The following SRRT variants were observed in gnomAD, a reference collection of about 807,000 sequenced individuals.
SRRT encodes serrate RNA effector molecule homolog.
SRRT carries 32 observed loss-of-function variants against 103.2 expected under a neutral mutation model. That is an observed-to-expected ratio of 0.31 (90% CI 0.23 to 0.42). The LOEUF (loss-of-function observed/expected upper bound fraction) is 0.42, where lower values mean the gene tolerates loss of function less well. SRRT is among the 10% of genes least tolerant of loss of function. The pLI is 1.00. For synonymous variants in SRRT, 525 were observed against 449.0 expected, an observed-to-expected ratio of 1.17 and a Z score of -2.14; for missense variants, 986 against 1,207.5, an observed-to-expected ratio of 0.82 and a Z score of 2.72.
rs978787414 is a variant in SRRT at position 100,887,931 on chromosome 7, C to T, written c.2326+72C>T. 7.1e-6 allele frequency: 11 copies of T among 1,550,314 alleles called. No homozygotes were observed. The highest frequency in any genetic ancestry group is 2.2e-4 in the Middle Eastern group (1 of 4,448). ...CCCAGGGACTCCTGTTTCTCTTTAA[C>T]GTGTCACCCCGAGAAGTTTCTGCCC... On this transcript the variant is annotated intron_variant, in intron 17 of 19. Transcript: ENST00000611405. This position sits in a 1 kb window ranked among gnomAD's most constrained non-coding sequence, Gnocchi z 4.1.
chr7:100,884,592 TGGGGGAG>T, intron 7 of SRRT, 40 bp downstream of exon 7: 3 of 469,624 alleles, frequency 6.4e-6, no homozygotes, highest in Non-Finnish European at 6.7e-6. Context: ...CCTGGCAGCC[TGGGGGAG>T]GGGGGCGGGT....
Position 100,885,686 on chromosome 7 carries a change from T to C in SRRT, c.1318-15T>C. Reference sequence around the variant, plus strand: ...TCCTTGAGTCACTGTGGGGCTGCTTTTCTGCTTCTTGCAGCTTTGTAAAAG... The same window carrying C: ...TCCTTGAGTCACTGTGGGGCTGCTTCTCTGCTTCTTGCAGCTTTGTAAAAG... On this transcript the variant is annotated splice_polypyrimidine_tract_variant and intron_variant, in intron 10 of 19. Coordinates refer to ENST00000611405, the MANE Select transcript of SRRT (RefSeq NM_015908.6). The surrounding 1 kb of genome is among the most constrained non-coding windows in gnomAD (Gnocchi z 4.8). 6.2e-7 allele frequency: 1 copy of C among 1,602,762 alleles called. No homozygotes were observed. The highest frequency in any genetic ancestry group is 1.1e-5 in the South Asian group (1 of 89,860).
At chr7:100,880,574 G>A (rs1816205456) in intron 2 of SRRT, 1 of 249,116 alleles carries the variant, frequency 4.0e-6, no homozygotes, top group Admixed American at 5.0e-5. Flanking sequence ...CAGAGTGCTG[G>A]GATTACAGGC....
rs768986033 is a variant in SRRT, at chr7:100,881,678, C to A, written c.271C>A (p.Pro91Thr). ...RRDWDEHSSD[P>T]YHSGYEMPYA... ...CTTCAGGGATGAGCACAGCTCTGAC[C>A]CATACCACAGTGGCTATGAGATGCC... Residue 91 changes from proline to threonine, a missense_variant, in exon 4 of 20, where the codon CCA becomes ACA. Coordinates refer to ENST00000611405, the MANE Select transcript of SRRT (RefSeq NM_015908.6). 3 of 1,614,060 alleles carry A rather than the reference C, an allele frequency of 1.9e-6. No individual in the cohort carries two copies. Among genetic ancestry groups the A allele is most frequent in the East Asian group, 2.2e-5 (1 of 44,870 alleles).
At position 100,886,285 on chromosome 7, in the gene SRRT, C is replaced by A. The variant is rs1222461269; in HGVS notation, c.1497C>A (p.Asp499Glu). The A allele has an allele frequency of 3.1e-6, 5 of 1,612,956 alleles. No homozygotes were observed. Among genetic ancestry groups the A allele is most frequent in the Non-Finnish European group, 4.2e-6 (5 of 1,179,986 alleles). ...AGCTGAGCCCTGGTGTGAACAGGGACCTGACCCGGCGCGTTCGCAACATCA... is the reference window on the plus strand; with the variant it reads ...AGCTGAGCCCTGGTGTGAACAGGGAACTGACCCGGCGCGTTCGCAACATCA... ...ECELSPGVNRDLTRRVRNING... is the reference protein window; with the variant it reads ...ECELSPGVNRELTRRVRNING... The change falls in exon 13 of 20, where the codon GAC becomes GAA. Residue 499 changes from aspartate to glutamate, a missense_variant. Asp to Glu is a conservative substitution (Grantham distance 45, BLOSUM62 2). This residue lies in a region of SRRT where 349 missense variants were observed against 446.9 expected (regional missense o/e 0.78). Transcript: ENST00000611405.
In SRRT at chr7:100,887,797, C is replaced by T; in HGVS notation, c.2264C>T (p.Thr755Ile). The T allele has an allele frequency of 1.2e-6, 2 of 1,613,422 alleles. No individual in the cohort carries two copies. The highest frequency in any genetic ancestry group is 2.2e-5 in the East Asian group (1 of 44,850). ...KEVAFFNNFL[T>I]DAKRPALPEI... The stretch of plus-strand genomic sequence containing the variant: ...GTCGCGTTTTTTAACAACTTCCTCA[C>T]TGATGCTAAGCGCCCAGCTCTGCCT... Residue 755 changes from threonine to isoleucine, a missense_variant, in exon 17 of 20, where the codon ACT becomes ATT. Around this residue, in one of 6 missense-constraint regions of SRRT, gnomAD observed 178 missense variants for 189.6 expected, o/e 0.94. Coordinates refer to ENST00000611405, the MANE Select transcript of SRRT (RefSeq NM_015908.6). The surrounding 1 kb of genome is among the most constrained non-coding windows in gnomAD (Gnocchi z 4.1).
In SRRT at chr7:100,885,404, G is replaced by C. The variant is rs769213395; in HGVS notation, c.1317+34G>C. 8 of 1,596,356 alleles carry C rather than the reference G, an allele frequency of 5.0e-6. No homozygotes were observed. The highest frequency in any genetic ancestry group is 3.5e-4 in the Middle Eastern group (2 of 5,762). ...GGACCCGTGGAGTCAGGGCAGGGCT[G>C]ATGGAGAAGTGGAGGGTAGAGGGAA... On this transcript the variant is annotated intron_variant, in intron 10 of 19. Coordinates refer to ENST00000611405, the MANE Select transcript of SRRT (RefSeq NM_015908.6). The surrounding 1 kb of genome is among the most constrained non-coding windows in gnomAD (Gnocchi z 4.8).
Position 100,887,103 on chromosome 7 carries a change from C to CA in SRRT, c.1879dup (p.Thr627AsnfsTer3). On this transcript the variant is annotated frameshift_variant, in exon 15 of 20. Coordinates refer to ENST00000611405, the MANE Select transcript of SRRT (RefSeq NM_015908.6). LOFTEE classifies it high-confidence loss of function. This position sits in a 1 kb window ranked among gnomAD's most constrained non-coding sequence, Gnocchi z 4.1. ...TCGTGCATTCCTTGGATTATTACAA[C>CA]ACCTGTGAGTACCCCAACGAGGACG... 1.2e-6 allele frequency: 2 copies of CA among 1,614,216 alleles called. No individual in the cohort carries two copies. Among genetic ancestry groups the CA allele is most frequent in the Non-Finnish European group, 1.7e-6 (2 of 1,180,036 alleles).
In SRRT at chr7:100,875,347, C is replaced by T; in HGVS notation, c.-19+19C>T. On this transcript the variant is annotated intron_variant, in intron 1 of 19. Transcript: ENST00000611405. ...CACCAAGGTGGGGGAGGGGAGGAGC[C>T]TGGGGGGCCCCGCTGGGGCGGGAGA... 3.1e-6 allele frequency: 4 copies of T among 1,276,246 alleles called. No individual in the cohort carries two copies. Among genetic ancestry groups the T allele is most frequent in the South Asian group, 3.3e-5 (2 of 59,804 alleles). 79.1% of individuals were successfully genotyped at this position (1,276,246 alleles called of 1,614,324 possible).
At chr7:100,877,290 G>A (rs1815826391) in intron 2 of SRRT, among the ~76,000 whole-genome samples, 1 of 150,912 alleles carries the variant, frequency 6.6e-6, no homozygotes, top group East Asian at 2.0e-4. Context: ...GCATGGTGGT[G>A]CGCGCCTGTA....
intron 7 of SRRT, 79 bp from the exon 8 acceptor site, chr7:100,884,661 C>T: frequency 6.7e-7 from 1 of 1,493,594 alleles, no homozygotes; most frequent in Non-Finnish European, 9.1e-7. Flanking sequence ...AACCTGTGGC[C>T]TCAGCTGTGG....
Position 100,881,711 on chromosome 7 carries a change from G to C in SRRT, c.304G>C (p.Gly102Arg). The change falls in exon 4 of 20, where the codon GGG (glycine) becomes CGG (arginine). Residue 102 changes from glycine to arginine, a missense_variant. Around this residue, in one of 6 missense-constraint regions of SRRT, gnomAD observed 274 missense variants for 358.5 expected, o/e 0.76. Transcript: ENST00000611405. Reference protein sequence around the residue: ...YHSGYEMPYAGGGGGPTYGPP... With the variant: ...YHSGYEMPYARGGGGPTYGPP... Reference sequence around the variant, plus strand: ...CAGTGGCTATGAGATGCCCTATGCTGGGGGGGGTGGGGGCCCAACTTATGG... The same window carrying C: ...CAGTGGCTATGAGATGCCCTATGCTCGGGGGGGTGGGGGCCCAACTTATGG... 6.3e-7 allele frequency: 1 copy of C among 1,593,788 alleles called. No individual in the cohort carries two copies. The highest frequency in any genetic ancestry group is 1.1e-5 in the South Asian group (1 of 89,966).
intron 4 of SRRT, 72 bp downstream of exon 4, chr7:100,881,877 G>A (rs1245877581): frequency 6.6e-7 from 1 of 1,525,532 alleles, no homozygotes; most frequent in Non-Finnish European, 8.8e-7. Context: ...GGCCATGGCT[G>A]AAGCCAGGGA....
rs575557221 is a variant in SRRT at position 100,881,657 on chromosome 7, A to G, written c.252-2A>G. 6.2e-7 allele frequency: 1 copy of G among 1,613,728 alleles called. No individual in the cohort carries two copies. The highest frequency in any genetic ancestry group is 1.3e-5 in the African/African-American group (1 of 74,944). ...CTTTACTTTTGTGTCCCCCACCTTC[A>G]GGGATGAGCACAGCTCTGACCCATA... On this transcript the variant is annotated splice_acceptor_variant, in intron 3 of 19. Coordinates refer to ENST00000611405, the MANE Select transcript of SRRT (RefSeq NM_015908.6). LOFTEE classifies it high-confidence loss of function.
At chr7:100,884,290 G>A in intron 6 of SRRT, 51 bp downstream of exon 6, 4 of 1,613,292 alleles carry the variant, frequency 2.5e-6, no homozygotes, top group Non-Finnish European at 1.7e-6. Context: ...GGGGGTGGGG[G>A]TGTCTGGGGA....
rs1790171258 is a variant in SRRT, at chr7:100,886,849, G to T, written c.1702G>T (p.Glu568Ter). The T allele has an allele frequency of 6.2e-7, 1 of 1,614,098 alleles. No individual in the cohort carries two copies. Among genetic ancestry groups the T allele is most frequent in the South Asian group, 1.1e-5 (1 of 91,090 alleles). Residue 568 changes from glutamate to a stop codon, truncating the protein, a stop_gained, in exon 14 of 20, where the codon GAA (glutamate) becomes TAA (stop). Transcript: ENST00000611405. LOFTEE classifies it high-confidence loss of function. ...GAATATCACCGACTACCTGATCGAG[G>T]AAGTAAGCGCCGAGGAGGAGGAGCT... ...LKNITDYLIE[E>*]VSAEEEELLG...
At position 100,876,669 on chromosome 7, in the gene SRRT, G is replaced by A. The variant is rs570735269; in HGVS notation, c.122+957G>A. Reference sequence around the variant, plus strand: ...GCTGATTGGATTGATTATAAGATGTGGTTATTGACCTTAGGGTGTTACAGT... The same window carrying A: ...GCTGATTGGATTGATTATAAGATGTAGTTATTGACCTTAGGGTGTTACAGT... On this transcript the variant is annotated intron_variant, in intron 2 of 19. Coordinates refer to ENST00000611405, the MANE Select transcript of SRRT (RefSeq NM_015908.6). 9.2e-5 allele frequency among the ~76,000 whole-genome samples: 14 copies of A among 152,278 alleles called. No individual in the cohort carries two copies. The East Asian group carries it at 1.7e-3, about 19-fold the overall frequency.
At position 100,884,976 on chromosome 7, in the gene SRRT, C is replaced by G; in HGVS notation, c.1095C>G (p.Gly365=). ...GTGGTGACGACAGCTTTGACGAGGGCAGCGTGTCAGAGTCTGAGTCGGAGT... is the reference window on the plus strand; with the variant it reads ...GTGGTGACGACAGCTTTGACGAGGGGAGCGTGTCAGAGTCTGAGTCGGAGT... ...KHSGDDSFDE[G]SVSESESESE... The change falls in exon 9 of 20, where the codon GGC becomes GGG. Residue 365 remains glycine, a synonymous_variant. Transcript: ENST00000611405. 1 of 1,613,982 alleles carries G rather than the reference C, an allele frequency of 6.2e-7. No individual in the cohort carries two copies. Among genetic ancestry groups the G allele is most frequent in the Non-Finnish European group, 8.5e-7 (1 of 1,179,996 alleles).
At chr7:100,883,868 C>A (rs1789811704) in intron 5 of SRRT, among the ~76,000 whole-genome samples, 1 of 152,208 alleles carries the variant, frequency 6.6e-6, no homozygotes, top group Non-Finnish European at 1.5e-5. Context: ...TCCCCCAAAT[C>A]TTCACAGAAC....
Sources: gnomAD v4.1 joint callset for allele counts (sites outside exome capture counted in the v4.1 genomes callset) on GRCh38, gnomAD v4.1.1 for gene constraint, gnomAD v4.1.1 regional missense constraint, Gnocchi (gnomAD v3.1) non-coding constraint, MANE v1.5 for transcripts, NCBI Gene and HGNC (gene_info 2026-07-23, HGNC 2026-07-21) for gene names.